The following CCDC178 variants were observed in gnomAD, a reference collection of about 807,000 sequenced individuals.
CCDC178 encodes coiled-coil domain containing 178, also known as coiled-coil domain-containing protein 178.
Under a neutral mutation model 117.4 loss-of-function variants are expected in CCDC178, and 126 were observed. The ratio of observed to expected loss-of-function variants is 1.07; its 90% CI spans 0.93 to 1.24. The LOEUF (loss-of-function observed/expected upper bound fraction) is 1.24, where lower values mean the gene tolerates loss of function less well. Ranked by LOEUF, CCDC178 falls within the 50% of genes most tolerant of loss-of-function variation. The pLI is 0.00. For synonymous variants in CCDC178, 283 were observed against 313.4 expected (o/e 0.90, Z 1.02); for missense variants, 1,030 against 986.9 (o/e 1.04, Z -0.59).
rs561603558 is a variant in CCDC178, at chr18:33,164,142, T to C, written c.2238+47754A>G. ...TTTTTTTTTAAACAGAGTTTCGCTC[T>C]TGTTGCCCAGGCTGGAGTGCAATGG... On this transcript the variant is annotated intron_variant, in intron 20 of 22. Coordinates refer to ENST00000383096, the MANE Select transcript of CCDC178 (RefSeq NM_001105528.4). Among the ~76,000 whole-genome samples, 16 of 151,102 alleles carry C rather than the reference T, an allele frequency of 1.1e-4. No individual in the cohort carries two copies. In the East Asian group the frequency reaches 2.9e-3, roughly 28 times the overall value.
intron 20 of CCDC178, among the ~76,000 whole-genome samples, chr18:33,165,102 A>G (rs2058512911): frequency 6.6e-6 from 1 of 152,198 alleles, no homozygotes. Context: ...CACGTACAAT[A>G]CTTTTGATAC....
intron 21 of CCDC178, among the ~76,000 whole-genome samples, chr18:32,994,855 A>G (rs944688449): frequency 2.6e-5 from 4 of 152,248 alleles, no homozygotes; most frequent in African/African-American, 9.6e-5. Flanking sequence ...GGATAAAAAT[A>G]AGAATAAGAG....
intron 5 of CCDC178, among the ~76,000 whole-genome samples, chr18:33,378,161 C>G (rs1441180218): frequency 5.3e-5 from 8 of 152,108 alleles, no homozygotes; most frequent in Non-Finnish European, 1.2e-4. Flanking sequence ...GAGCTTTCAC[C>G]TCCTGGTTAG....
intron 12 of CCDC178, among the ~76,000 whole-genome samples, chr18:33,282,173 C>T (rs2060033809): frequency 6.6e-6 from 1 of 152,158 alleles, no homozygotes; most frequent in Non-Finnish European, 1.5e-5. Context: ...TGGCTAGGAG[C>T]AACTTGCTCT....
intron 21 of CCDC178, among the ~76,000 whole-genome samples, chr18:32,987,848 A>G (rs996319095): frequency 2.0e-4 from 30 of 152,120 alleles, no homozygotes; most frequent in African/African-American, 7.2e-4. Context: ...CTGTAATCCC[A>G]GCACTTTGGG....
intron 11 of CCDC178, among the ~76,000 whole-genome samples, chr18:33,307,546 C>A (rs2062272845): frequency 6.6e-6 from 1 of 152,142 alleles, no homozygotes; most frequent in African/African-American, 2.4e-5. Context: ...GAACACAAAA[C>A]CCTATTTTCT....
intron 2 of CCDC178, among the ~76,000 whole-genome samples, chr18:33,434,982 G>C (rs767768268): frequency 2.0e-5 from 3 of 152,024 alleles, no homozygotes; most frequent in African/African-American, 4.8e-5. Flanking sequence ...CTTCAAATGT[G>C]GAAATTGTCA....
At chr18:33,177,907 T>C (rs1470464296) in intron 20 of CCDC178, among the ~76,000 whole-genome samples, 2 of 152,192 alleles carry the variant, frequency 1.3e-5, no homozygotes, top group Non-Finnish European at 2.9e-5. Context: ...ACTTCTCATA[T>C]GATCTTCTGA....
intron 2 of CCDC178, among the ~76,000 whole-genome samples, chr18:33,425,727 A>T (rs1599306785): frequency 6.6e-6 from 1 of 152,200 alleles, no homozygotes; most frequent in South Asian, 2.1e-4. Flanking sequence ...TGGGGTGAGG[A>T]TGCTGTCTAC....
chr18:32,967,030 G>A (rs111379500), intron 22 of CCDC178, among the ~76,000 whole-genome samples: 4 of 151,698 alleles, frequency 2.6e-5, no homozygotes, highest in South Asian at 2.1e-4. Context: ...AAATTATCAA[G>A]TACATTTTAT....
intron 20 of CCDC178, among the ~76,000 whole-genome samples, chr18:33,095,729 C>A (rs1030840003): frequency 2.0e-5 from 3 of 151,684 alleles, no homozygotes; most frequent in African/African-American, 7.3e-5. Flanking sequence ...TATAATATGG[C>A]ACATTCATTA....
intron 11 of CCDC178, among the ~76,000 whole-genome samples, chr18:33,305,835 T>A (rs1336352744): frequency 3.3e-5 from 5 of 151,980 alleles, no homozygotes; most frequent in African/African-American, 1.2e-4. Context: ...TCTGGAAAGT[T>A]AAGGGATCAT....
At chr18:33,247,528 G>A (rs935728474) in intron 14 of CCDC178, among the ~76,000 whole-genome samples, 1 of 151,786 alleles carries the variant, frequency 6.6e-6, no homozygotes, top group Non-Finnish European at 1.5e-5. Flanking sequence ...TAATAGGAAG[G>A]AATGAAGTAC....
In CCDC178 at chr18:33,046,146, T is replaced by A. The variant is rs540074929; in HGVS notation, c.2388+46615A>T. Among the ~76,000 whole-genome samples, 3 of 152,286 alleles carry A rather than the reference T, an allele frequency of 2.0e-5. No homozygotes were observed. The South Asian group carries it at 6.2e-4, about 32-fold the overall frequency. ...CGAACATGAAATAAATACAAATACA[T>A]TTAAGAGAAACTGAATTGGGGAGAT... On this transcript the variant is annotated intron_variant, in intron 21 of 22. Coordinates refer to ENST00000383096, the MANE Select transcript of CCDC178 (RefSeq NM_001105528.4).
chr18:33,201,875 G>A (rs1350104688), intron 20 of CCDC178, among the ~76,000 whole-genome samples: 2 of 152,066 alleles, frequency 1.3e-5, no homozygotes, highest in African/African-American at 2.4e-5. Flanking sequence ...GCCCCCAACC[G>A]GTTTACCAAA....
intron 21 of CCDC178, among the ~76,000 whole-genome samples, chr18:33,058,341 T>C (rs1171181091): frequency 6.6e-6 from 1 of 152,158 alleles, no homozygotes; most frequent in Non-Finnish European, 1.5e-5. Flanking sequence ...TACGTAAAAA[T>C]GATACAACAT....
chr18:33,221,788 C>T (rs2059237684), intron 18 of CCDC178, among the ~76,000 whole-genome samples: 1 of 151,958 alleles, frequency 6.6e-6, no homozygotes, highest in South Asian at 2.1e-4. Flanking sequence ...TTTTAACTGA[C>T]AACTAAATAA....
chr18:33,241,435 T>TC (rs2144678957), intron 15 of CCDC178, among the ~76,000 whole-genome samples: 2 of 6,602 alleles, frequency 3.0e-4, no homozygotes, highest in African/African-American at 4.2e-4. Context: ...TGATCGTGTG[T>TC]GTGTGTGTGT....
At chr18:33,065,892 C>G (rs1232416375) in intron 21 of CCDC178, among the ~76,000 whole-genome samples, 2 of 143,218 alleles carry the variant, frequency 1.4e-5, no homozygotes, top group Non-Finnish European at 3.0e-5. Context: ...GATGGAGTCT[C>G]ACTTTGTCAC....
Sources: gnomAD v4.1 joint callset for allele counts (sites outside exome capture counted in the v4.1 genomes callset) on GRCh38, gnomAD v4.1.1 for gene constraint, MANE v1.5 for transcripts, NCBI Gene and HGNC (gene_info 2026-07-23, HGNC 2026-07-21) for gene names.